CTNNA2: variants seen among roughly 807,000 people sequenced by gnomAD.
The protein encoded by CTNNA2 is catenin alpha 2, also known as catenin alpha-2.
A neutral mutation model predicts 101.0 loss-of-function variants in CTNNA2; 42 were observed. That is an observed-to-expected ratio of 0.42 (90% CI 0.32 to 0.54). CTNNA2 has a LOEUF of 0.54. Ranked by LOEUF, CTNNA2 falls within the 20% of genes least tolerant of loss-of-function variation. The pLI is 0.14. For synonymous variants in CTNNA2, 450 were observed against 456.4 expected (o/e 0.99, Z 0.18); for missense variants, 871 against 1,223.1 (o/e 0.71, Z 4.29).
chr2:79,714,616 T>A (rs1054340241), intron 2 of CTNNA2, among the ~76,000 whole-genome samples: 6 of 151,186 alleles, frequency 4.0e-5, no homozygotes, highest in Non-Finnish European at 8.8e-5. Flanking sequence ...CCATCACTGT[T>A]AGGGGCCTAA....
intron 7 of CTNNA2, among the ~76,000 whole-genome samples, chr2:80,201,691 T>C (rs576776996): frequency 6.6e-6 from 1 of 152,312 alleles, no homozygotes; most frequent in East Asian, 1.9e-4. Context: ...ATTCTTTTTC[T>C]AATCATGGTA....
At chr2:80,359,739 A>G (rs958763223) in intron 7 of CTNNA2, among the ~76,000 whole-genome samples, 1 of 152,148 alleles carries the variant, frequency 6.6e-6, no homozygotes, top group African/African-American at 2.4e-5. Flanking sequence ...AGTCTCAGGT[A>G]TTTCTTTAGA....
At chr2:80,509,851 A>G (rs1688566384) in intron 9 of CTNNA2, among the ~76,000 whole-genome samples, 1 of 152,192 alleles carries the variant, frequency 6.6e-6, no homozygotes, top group Non-Finnish European at 1.5e-5. Flanking sequence ...CCTCAGATCC[A>G]TTCTTCACTC....
At chr2:80,478,845 A>G (rs1307967483) in intron 9 of CTNNA2, among the ~76,000 whole-genome samples, 4 of 151,876 alleles carry the variant, frequency 2.6e-5, no homozygotes, top group Admixed American at 6.6e-5. Flanking sequence ...TTTGCTTAGC[A>G]TTTCTTTGGC....
Position 80,419,561 on chromosome 2 carries a change from A to G in CTNNA2, c.1250A>G (p.Tyr417Cys). The change falls in exon 9 of 19, where the codon TAT becomes TGT. Residue 417 changes from tyrosine to cysteine, a missense_variant. By Grantham distance (194) the Tyr-to-Cys change is radical. Around this residue, in one of 5 missense-constraint regions of CTNNA2, gnomAD observed 647 missense variants for 831.5 expected, o/e 0.78. Transcript: ENST00000402739. ...GGAAATGAAAAGGAAGTGAAAGAAT[A>G]TGCCCAAGTTTTCCGTGAGCATGCC... ...KSGNEKEVKE[Y>C]AQVFREHANK... 1 of 1,613,938 alleles carries G rather than the reference A, an allele frequency of 6.2e-7. No individual in the cohort carries two copies. The highest frequency in any genetic ancestry group is 8.5e-7 in the Non-Finnish European group (1 of 1,179,862).
rs573557289 is a variant in CTNNA2, at chr2:79,980,920, C to T, written c.1056+71123C>T. On this transcript the variant is annotated intron_variant, in intron 7 of 18. Transcript: ENST00000402739. ...TCAACAAAGAAACAATTCTTTCTTT[C>T]TTTTTTTTTTAACAGTCAAACATTC... Among the ~76,000 whole-genome samples, 9 of 148,884 alleles carry T rather than the reference C, an allele frequency of 6.0e-5. No homozygotes were observed. The Admixed American group carries it at 6.0e-4, about 10-fold the overall frequency.
At chr2:80,342,289 G>A (rs1672315818) in intron 7 of CTNNA2, among the ~76,000 whole-genome samples, 1 of 152,148 alleles carries the variant, frequency 6.6e-6, no homozygotes, top group Non-Finnish European at 1.5e-5. Context: ...AGAAAAATCA[G>A]CAAATAGTAT....
intron 2 of CTNNA2, among the ~76,000 whole-genome samples, chr2:79,685,887 T>A (rs1683898565): frequency 6.6e-6 from 1 of 152,104 alleles, no homozygotes; most frequent in Non-Finnish European, 1.5e-5. Flanking sequence ...ATGGGCAGTT[T>A]TGTAATGCAG....
rs919819485 is a variant in CTNNA2, at chr2:80,113,602, G to C, written c.1056+203805G>C. ...GCTCATTTGTTTACTTATTGTTTAT[G>C]GCTGCTTTTGCACTGTAATGGCAGA... is the stretch of plus-strand genomic sequence containing the variant. On this transcript the variant is annotated intron_variant, in intron 7 of 18. Transcript: ENST00000402739. Among the ~76,000 whole-genome samples the C allele has an allele frequency of 1.9e-4, 29 of 152,278 alleles. 1 individual carries two copies. Among genetic ancestry groups the C allele is most frequent in the African/African-American group, 6.7e-4 (28 of 41,570 alleles).
At chr2:79,857,112 C>T (rs1019871361) in intron 3 of CTNNA2, among the ~76,000 whole-genome samples, 13 of 152,324 alleles carry the variant, frequency 8.5e-5, no homozygotes, top group African/African-American at 2.9e-4. Flanking sequence ...GCATGGGGCT[C>T]CAGGCTTCAG....
intron 13 of CTNNA2, among the ~76,000 whole-genome samples, chr2:80,575,817 C>T (rs1041013812): frequency 5.3e-5 from 8 of 152,022 alleles, no homozygotes; most frequent in Admixed American, 3.3e-4. Context: ...GATAAAATGT[C>T]GTATCTTTGT....
At chr2:79,524,576 CTTA>C (rs1672299057) in intron 1 of CTNNA2, 1 of 151,482 alleles carries the variant, frequency 6.6e-6, no homozygotes, top group Non-Finnish European at 1.5e-5. Context: ...ACTTACAAGC[CTTA>C]TTTACATGAA....
intron 4 of CTNNA2, among the ~76,000 whole-genome samples, chr2:79,415,915 T>C (rs1193178843): frequency 6.6e-6 from 1 of 152,160 alleles, no homozygotes; most frequent in Non-Finnish European, 1.5e-5. Flanking sequence ...GAAGTAAATA[T>C]TGAGATATGA....
chr2:79,990,752 G>T (rs985638171), intron 7 of CTNNA2, among the ~76,000 whole-genome samples: 7 of 152,020 alleles, frequency 4.6e-5, no homozygotes, highest in Non-Finnish European at 1.0e-4. Context: ...TTTTTGTTGT[G>T]TCTCTGCCAG....
chr2:80,372,615 T>G (rs1675549596), intron 7 of CTNNA2, among the ~76,000 whole-genome samples: 1 of 152,090 alleles, frequency 6.6e-6, no homozygotes, highest in Non-Finnish European at 1.5e-5. Context: ...GTCAAGTGTT[T>G]GACACACAGT....
chr2:80,644,034 T>G (rs949372456), intron 18 of CTNNA2, among the ~76,000 whole-genome samples: 7 of 152,192 alleles, frequency 4.6e-5, no homozygotes, highest in African/African-American at 1.7e-4. Context: ...GAGTTCATTT[T>G]GGATAGGCAA....
intron 1 of CTNNA2, among the ~76,000 whole-genome samples, chr2:79,529,319 G>A (rs554156292): frequency 1.4e-4 from 21 of 152,176 alleles, no homozygotes; most frequent in Non-Finnish European, 3.1e-4. Context: ...AACCGTGAAC[G>A]TTATCACATG....
At chr2:80,243,805 C>G (rs1212702041) in intron 7 of CTNNA2, among the ~76,000 whole-genome samples, 1 of 152,136 alleles carries the variant, frequency 6.6e-6, no homozygotes, top group Non-Finnish European at 1.5e-5. Flanking sequence ...TGGGTAGGTA[C>G]CTAGAATAGG....
At chr2:79,277,189 A>G (rs938579149) in intron 2 of CTNNA2, among the ~76,000 whole-genome samples, 51 of 152,152 alleles carry the variant, frequency 3.4e-4, no homozygotes, top group African/African-American at 1.1e-3. Context: ...GGATTGCAAC[A>G]GCAGAAGCCC....
Sources: gnomAD v4.1 joint callset for allele counts (sites outside exome capture counted in the v4.1 genomes callset) on GRCh38, gnomAD v4.1.1 for gene constraint, gnomAD v4.1.1 regional missense constraint, MANE v1.5 for transcripts, NCBI Gene and HGNC (gene_info 2026-07-23, HGNC 2026-07-21) for gene names.